The following CCSER1 variants were observed in gnomAD, a reference collection of about 807,000 sequenced individuals.
CCSER1 encodes coiled-coil serine rich protein 1.
In CCSER1, 41 loss-of-function variants were observed where a neutral mutation model predicts 82.0. The ratio of observed to expected loss-of-function variants is 0.50; its 90% CI spans 0.39 to 0.65. The LOEUF (loss-of-function observed/expected upper bound fraction) is 0.65, where lower values mean the gene tolerates loss of function less well. CCSER1 is among the 30% of genes least tolerant of loss of function. CCSER1 has a pLI of 0.00. For synonymous variants in CCSER1, 414 were observed against 383.9 expected (o/e 1.08, Z -0.92); for missense variants, 1,119 against 1,064.2 (o/e 1.05, Z -0.72).
chr4:91,101,189 CA>C (rs1725023909), intron 10 of CCSER1, among the ~76,000 whole-genome samples: 2 of 152,140 alleles, frequency 1.3e-5, no homozygotes, highest in South Asian at 4.1e-4. Flanking sequence ...ATAATACTTA[CA>C]ACAAGATTAA....
chr4:90,576,647 G>A (rs975595669), intron 5 of CCSER1, among the ~76,000 whole-genome samples: 1 of 151,698 alleles, frequency 6.6e-6, no homozygotes, highest in Non-Finnish European at 1.5e-5. Context: ...TACCTCTTTC[G>A]CTTCATAATA....
intron 10 of CCSER1, among the ~76,000 whole-genome samples, chr4:91,528,631 C>A (rs890300259): frequency 6.6e-6 from 1 of 152,012 alleles, no homozygotes; most frequent in African/African-American, 2.4e-5. Context: ...ATATTAGAGA[C>A]AATATGTTTT....
intron 8 of CCSER1, among the ~76,000 whole-genome samples, chr4:90,913,923 C>A (rs920639946): frequency 3.3e-5 from 5 of 152,156 alleles, no homozygotes; most frequent in African/African-American, 1.2e-4. Flanking sequence ...GTAAAGGGAT[C>A]AATTCAACAA....
chr4:91,511,770 A>G (rs1759837701), intron 10 of CCSER1, among the ~76,000 whole-genome samples: 1 of 152,216 alleles, frequency 6.6e-6, no homozygotes, highest in African/African-American at 2.4e-5. Flanking sequence ...TCCTAGTTGC[A>G]GGAAAACAAG....
intron 7 of CCSER1, chr4:90,781,295 A>T (rs1482954891): frequency 1.0e-6 from 1 of 984,978 alleles, no homozygotes; most frequent in Non-Finnish European, 1.2e-6. Flanking sequence ...AGAAACAGAC[A>T]CTGTGCTGAG....
chr4:90,820,727 CTG>C (rs552677798), intron 8 of CCSER1, among the ~76,000 whole-genome samples: 154 of 149,062 alleles, frequency 1.0e-3, no homozygotes, highest in African/African-American at 3.4e-3. Context: ...ATTTATATAA[CTG>C]TATTATATAT....
chr4:91,440,211 G>T (rs1645032456), intron 10 of CCSER1, among the ~76,000 whole-genome samples: 1 of 152,046 alleles, frequency 6.6e-6, no homozygotes, highest in African/African-American at 2.4e-5. Flanking sequence ...CCACATAGTT[G>T]GAGGTAAAAC....
intron 9 of CCSER1, among the ~76,000 whole-genome samples, chr4:90,990,632 A>G (rs1310594803): frequency 6.6e-6 from 1 of 151,884 alleles, no homozygotes; most frequent in Non-Finnish European, 1.5e-5. Context: ...GCAGGTCTAG[A>G]TTCTTGGGCC....
At chr4:90,866,238 A>T (rs1765714578) in intron 8 of CCSER1, among the ~76,000 whole-genome samples, 1 of 151,990 alleles carries the variant, frequency 6.6e-6, no homozygotes, top group Non-Finnish European at 1.5e-5. Context: ...TGTGAATTTT[A>T]CAAAACTATG....
At chr4:91,122,430 C>CCCTTGG (rs1280459046) in intron 10 of CCSER1, among the ~76,000 whole-genome samples, 2 of 151,538 alleles carry the variant, frequency 1.3e-5, no homozygotes, top group African/African-American at 4.8e-5. Flanking sequence ...TTTTTTCTGA[C>CCCTTGG]CCTTCCACAT....
intron 1 of CCSER1, among the ~76,000 whole-genome samples, chr4:90,248,787 T>A (rs72877737): frequency 6.6e-6 from 1 of 151,760 alleles, no homozygotes; most frequent in African/African-American, 2.4e-5. Context: ...AGCCTCGACC[T>A]TCTAGGCTTA....
intron 3 of CCSER1, among the ~76,000 whole-genome samples, chr4:90,326,285 C>T (rs1738181738): frequency 6.6e-6 from 1 of 152,110 alleles, no homozygotes; most frequent in East Asian, 1.9e-4. Flanking sequence ...TGGTCTCCAT[C>T]TCCTGACCTC....
intron 10 of CCSER1, among the ~76,000 whole-genome samples, chr4:91,251,899 G>A (rs759789412): frequency 7.2e-5 from 11 of 152,110 alleles, no homozygotes; most frequent in Non-Finnish European, 2.9e-5. Flanking sequence ...AACAGAAGAG[G>A]TATGGTTAGG....
chr4:90,194,869 G>T lies in CCSER1; in HGVS notation c.-42+67038G>T, dbSNP rs146760727. Among the ~76,000 whole-genome samples, 43 of 152,174 alleles carry T rather than the reference G, an allele frequency of 2.8e-4. No homozygotes were observed. In the East Asian group the frequency reaches 7.7e-3, roughly 27 times the overall value. On this transcript the variant is annotated intron_variant, in intron 1 of 10. Transcript: ENST00000509176. The stretch of plus-strand genomic sequence containing the variant: ...TGAGTATACTCTTACTGTAGTCCTT[G>T]TAACTCCTCTGAAGAAAATACAAAA...
At chr4:90,314,480 G>C (rs1032002537) in intron 3 of CCSER1, among the ~76,000 whole-genome samples, 6 of 152,090 alleles carry the variant, frequency 3.9e-5, no homozygotes, top group Non-Finnish European at 8.8e-5. Context: ...CTTGCTCAAA[G>C]TTGTGCCTTT....
Position 90,860,527 on chromosome 4 carries a change from C to T in CCSER1, c.2094+44682C>T, listed in dbSNP as rs567640737. On this transcript the variant is annotated intron_variant, in intron 8 of 10. Coordinates refer to ENST00000509176, the MANE Select transcript of CCSER1 (RefSeq NM_001145065.2). ...TAGATGTGATGCAATATCTACTCCT[C>T]GGTCTATACCCAAGATAAGTAAAAA... is the stretch of plus-strand genomic sequence containing the variant. 9.2e-5 allele frequency among the ~76,000 whole-genome samples: 14 copies of T among 151,690 alleles called. No individual in the cohort carries two copies. In the South Asian group the frequency reaches 1.9e-3, roughly 20 times the overall value.
chr4:90,499,140 G>A (rs1248795846), intron 5 of CCSER1, among the ~76,000 whole-genome samples: 2 of 151,906 alleles, frequency 1.3e-5, no homozygotes, highest in East Asian at 3.9e-4. Flanking sequence ...GTGCATATGT[G>A]TGTGTTTGTG....
At chr4:91,043,767 T>C (rs1742192862) in intron 9 of CCSER1, among the ~76,000 whole-genome samples, 1 of 152,072 alleles carries the variant, frequency 6.6e-6, no homozygotes, top group Admixed American at 6.6e-5. Flanking sequence ...ATTTTATTTT[T>C]AGTAGAGACG....
At chr4:90,452,271 C>T (rs1761559173) in intron 4 of CCSER1, among the ~76,000 whole-genome samples, 1 of 152,138 alleles carries the variant, frequency 6.6e-6, no homozygotes, top group Admixed American at 6.5e-5. Context: ...CCTGTTCAAG[C>T]TCCCCAGCTT....
Sources: gnomAD v4.1 joint callset for allele counts (sites outside exome capture counted in the v4.1 genomes callset) on GRCh38, gnomAD v4.1.1 for gene constraint, MANE v1.5 for transcripts, NCBI Gene and HGNC (gene_info 2026-07-23, HGNC 2026-07-21) for gene names.